R3HCC1L: variants seen among roughly 807,000 people sequenced by gnomAD.
R3HCC1L encodes coiled-coil domain-containing protein R3HCC1L.
R3HCC1L carries 51 observed loss-of-function variants against 59.9 expected under a neutral mutation model. The ratio of observed to expected loss-of-function variants is 0.85; its 90% confidence interval spans 0.68 to 1.07. R3HCC1L has a LOEUF of 1.07. Among genes scored for constraint, R3HCC1L ranks in the 50% least tolerant of loss-of-function variants. The pLI is 0.00. For missense variants in R3HCC1L, 965 were observed against 933.0 expected (o/e 1.03, Z -0.45); for synonymous variants, 322 against 315.2 (o/e 1.02, Z -0.23).
intron 4 of R3HCC1L, among the ~76,000 whole-genome samples, chr10:98,176,650 T>C (rs1297438331): frequency 6.6e-6 from 1 of 152,192 alleles, no homozygotes; most frequent in East Asian, 1.9e-4. Flanking sequence ...CATCTGCAGA[T>C]AAAGACAGTA....
intron 6 of R3HCC1L, among the ~76,000 whole-genome samples, chr10:98,233,080 A>G (rs1033988309): frequency 6.6e-6 from 1 of 152,206 alleles, no homozygotes. Flanking sequence ...AACCTGTTCA[A>G]CATAAAATTC....
chr10:98,136,348 A>G (rs1390569965), intron 1 of R3HCC1L, among the ~76,000 whole-genome samples: 1 of 152,290 alleles, frequency 6.6e-6, no homozygotes, highest in East Asian at 1.9e-4. Context: ...GCTGTGTCTT[A>G]CTACAGGTTG....
intron 1 of R3HCC1L, among the ~76,000 whole-genome samples, chr10:98,145,444 AG>A (rs201633541): frequency 1.3e-5 from 2 of 152,222 alleles, no homozygotes; most frequent in East Asian, 3.8e-4. Context: ...TCTTGGAGAA[AG>A]GTAACGAGTT....
intron 4 of R3HCC1L, among the ~76,000 whole-genome samples, chr10:98,195,943 T>C (rs932607138): frequency 1.3e-5 from 2 of 152,218 alleles, no homozygotes; most frequent in Non-Finnish European, 2.9e-5. Flanking sequence ...ACTGGAGAAC[T>C]GATTTTGTAC....
chr10:98,219,954 AC>A (rs566279859), intron 5 of R3HCC1L, among the ~76,000 whole-genome samples: 181 of 152,254 alleles, frequency 1.2e-3, no homozygotes, highest in African/African-American at 4.1e-3. Flanking sequence ...TTCAGCTGTT[AC>A]TTCATTAAAT....
intron 4 of R3HCC1L, among the ~76,000 whole-genome samples, chr10:98,200,394 T>G (rs947815446): frequency 6.6e-6 from 1 of 152,142 alleles, no homozygotes; most frequent in Non-Finnish European, 1.5e-5. Context: ...GGGCCTTGAC[T>G]CCGTCTGCAA....
intron 4 of R3HCC1L, among the ~76,000 whole-genome samples, chr10:98,173,116 G>T (rs1013102214): frequency 6.6e-6 from 1 of 152,102 alleles, no homozygotes; most frequent in African/African-American, 2.4e-5. Context: ...TCTCTTTGGT[G>T]GTGCTAATAT....
intron 1 of R3HCC1L, among the ~76,000 whole-genome samples, chr10:98,154,182 C>CAAAAAAAAAAAAAAAAAAAAAGAA (rs1846593188): frequency 1.1e-5 from 1 of 92,832 alleles, no homozygotes; most frequent in African/African-American, 4.1e-5. Flanking sequence ...AGAGAATAAG[C>CAAAAAAAAAAAAAAAAAAAAAGAA]AAAAAAAAAA....
chr10:98,175,745 C>T (rs1848948832), intron 4 of R3HCC1L, among the ~76,000 whole-genome samples: 1 of 152,028 alleles, frequency 6.6e-6, no homozygotes, highest in African/African-American at 2.4e-5. Context: ...AATTCTCTTA[C>T]ATGTCTTTGA....
intron 4 of R3HCC1L, chr10:98,186,541 C>A: frequency 1.2e-5 from 12 of 976,892 alleles, no homozygotes; most frequent in Non-Finnish European, 1.5e-5. Context: ...TTCAAGTCTT[C>A]TGAGACTCCA....
chr10:98,231,432 G>A, intron 5 of R3HCC1L, 80 bp from the exon 6 acceptor site: 2 of 1,303,114 alleles, frequency 1.5e-6, no homozygotes, highest in South Asian at 2.6e-5. Context: ...AAAGGGAGGA[G>A]GATTGTTTAT....
At chr10:98,221,805 G>A (rs1167993646) in intron 5 of R3HCC1L, among the ~76,000 whole-genome samples, 3 of 152,310 alleles carry the variant, frequency 2.0e-5, no homozygotes, top group South Asian at 2.1e-4. Context: ...TTTGAAGTCA[G>A]GTAGCATGAT....
chr10:98,216,693 C>T (rs968145920), intron 5 of R3HCC1L, among the ~76,000 whole-genome samples: 1 of 152,124 alleles, frequency 6.6e-6, no homozygotes, highest in Admixed American at 6.5e-5. Flanking sequence ...CTGCCTCACC[C>T]TCCCGAGTAG....
chr10:98,207,490 A>G (rs1001018839), intron 4 of R3HCC1L, among the ~76,000 whole-genome samples: 3 of 152,174 alleles, frequency 2.0e-5, no homozygotes, highest in Non-Finnish European at 4.4e-5. Flanking sequence ...AAGCAAGGGA[A>G]ATTGATAGCA....
chr10:98,220,314 C>T (rs1854730791), intron 5 of R3HCC1L, among the ~76,000 whole-genome samples: 1 of 150,398 alleles, frequency 6.6e-6, no homozygotes. Flanking sequence ...TTGTATCTCA[C>T]TGACGTTCTT....
At position 98,234,598 on chromosome 10, in the gene R3HCC1L, C is replaced by G. The variant is rs181874368; in HGVS notation, c.2032+82C>G. On this transcript the variant is annotated intron_variant, in intron 7 of 9. Coordinates refer to ENST00000298999, the MANE Select transcript of R3HCC1L (RefSeq NM_001351015.2). ...TTTTTCTATTTCCCTTCTATTTGAG[C>G]AAGTTGGCATCTTATTCAGCCAGTG... is the stretch of plus-strand genomic sequence containing the variant. 3.6e-4 allele frequency: 514 copies of G among 1,427,004 alleles called. 3 individuals carry two copies. The African/African-American group carries it at 5.1e-3, about 14-fold the overall frequency. 88.4% of individuals were successfully genotyped at this position (1,427,004 alleles called of 1,614,324 possible).
chr10:98,152,719 G>T (rs1196752200), intron 1 of R3HCC1L, among the ~76,000 whole-genome samples: 8 of 132,092 alleles, frequency 6.1e-5, no homozygotes, highest in African/African-American at 2.1e-4. Context: ...CTGCTGGGCC[G>T]CCCCGTCTGA....
At chr10:98,217,879 AT>A (rs1344338805) in intron 5 of R3HCC1L, among the ~76,000 whole-genome samples, 1 of 151,720 alleles carries the variant, frequency 6.6e-6, no homozygotes, top group Non-Finnish European at 1.5e-5. Context: ...GTATCTGGTA[AT>A]TTACTGAATT....
chr10:98,216,731 C>A (rs1214211048), intron 5 of R3HCC1L, among the ~76,000 whole-genome samples: 1 of 151,960 alleles, frequency 6.6e-6, no homozygotes, highest in East Asian at 1.9e-4. Flanking sequence ...TACCACCATG[C>A]CTGTCTAATT....
Sources: gnomAD v4.1 joint callset for allele counts (sites outside exome capture counted in the v4.1 genomes callset) on GRCh38, gnomAD v4.1.1 for gene constraint, MANE v1.5 for transcripts, NCBI Gene and HGNC (gene_info 2026-07-23, HGNC 2026-07-21) for gene names.